CDH13: variants seen among roughly 807,000 people sequenced by gnomAD.
The protein encoded by CDH13 is cadherin-13.
In CDH13, 24 loss-of-function variants were observed where a neutral mutation model predicts 63.8. The observed-to-expected ratio is 0.38, with a 90% CI of 0.27 to 0.53. The LOEUF (loss-of-function observed/expected upper bound fraction) is 0.53, where lower values mean the gene tolerates loss of function less well. Ranked by LOEUF, CDH13 falls within the 20% of genes least tolerant of loss-of-function variation. The pLI is 0.85. For synonymous variants in CDH13, 503 were observed against 355.3 expected (o/e 1.42, Z -4.67); for missense variants, 1,049 against 903.1 (o/e 1.16, Z -2.07).
intron 6 of CDH13, among the ~76,000 whole-genome samples, chr16:83,413,424 C>T (rs1230994741): frequency 6.6e-6 from 1 of 152,172 alleles, no homozygotes; most frequent in Admixed American, 6.5e-5. Flanking sequence ...CATGATAAAA[C>T]CGAGCGACTT....
intron 4 of CDH13, among the ~76,000 whole-genome samples, chr16:83,183,800 T>C (rs2038423405): frequency 6.6e-6 from 1 of 152,122 alleles, no homozygotes; most frequent in Admixed American, 6.5e-5. Context: ...AAGGCAGTGT[T>C]TGGCAAAAGT....
intron 1 of CDH13, among the ~76,000 whole-genome samples, chr16:82,814,814 G>C (rs2037622032): frequency 6.6e-6 from 1 of 152,134 alleles, no homozygotes; most frequent in Non-Finnish European, 1.5e-5. Flanking sequence ...CTTGTGACTG[G>C]CATCTGAAGT....
At chr16:82,798,192 A>C (rs1296566707) in intron 1 of CDH13, among the ~76,000 whole-genome samples, 1 of 152,202 alleles carries the variant, frequency 6.6e-6, no homozygotes, top group Admixed American at 6.5e-5. Context: ...GTCTCATTTA[A>C]TCAGAAAAAT....
chr16:83,097,686 A>T (rs1033798765), intron 3 of CDH13, among the ~76,000 whole-genome samples: 1 of 152,220 alleles, frequency 6.6e-6, no homozygotes, highest in African/African-American at 2.4e-5. Context: ...ACTCTAGGTA[A>T]GACAGATGCT....
At chr16:83,214,579 C>CAAAAAAAAAAAAAA (rs751124100) in intron 4 of CDH13, among the ~76,000 whole-genome samples, 1 of 39,790 alleles carries the variant, frequency 2.5e-5, no homozygotes, top group African/African-American at 8.8e-5. Context: ...GACTCTGTCT[C>CAAAAAAAAAAAAAA]AAAAAAAAAA....
chr16:83,475,673 T>C (rs9928634), intron 6 of CDH13, among the ~76,000 whole-genome samples: 127,354 of 151,508 alleles, frequency 0.84, 53,949 homozygotes, highest in East Asian at 1. Flanking sequence ...CCTTCGCCTC[T>C]CGTGTTCAAG....
chr16:82,810,130 T>A (rs2037368175), intron 1 of CDH13, among the ~76,000 whole-genome samples: 1 of 152,214 alleles, frequency 6.6e-6, no homozygotes, highest in South Asian at 2.1e-4. Flanking sequence ...CTTTTCTGCT[T>A]CAAGGTAAGG....
intron 1 of CDH13, among the ~76,000 whole-genome samples, chr16:82,746,061 C>A (rs1313808401): frequency 6.6e-6 from 1 of 151,900 alleles, no homozygotes; most frequent in Non-Finnish European, 1.5e-5. Flanking sequence ...TAATTGCCAG[C>A]ATAAGAGGGA....
intron 6 of CDH13, among the ~76,000 whole-genome samples, chr16:83,459,086 T>C (rs2073103023): frequency 6.6e-6 from 1 of 152,252 alleles, no homozygotes; most frequent in African/African-American, 2.4e-5. Context: ...AACAGCACAA[T>C]ACCAACTTTT....
chr16:83,776,344 CAGTA>C (rs1915113322), intron 11 of CDH13, among the ~76,000 whole-genome samples: 1 of 152,082 alleles, frequency 6.6e-6, no homozygotes, highest in Non-Finnish European at 1.5e-5. Context: ...AATAATTTTT[CAGTA>C]AAGAAATTTA....
chr16:83,680,209 C>G (rs950569912), intron 10 of CDH13, among the ~76,000 whole-genome samples: 9 of 152,162 alleles, frequency 5.9e-5, no homozygotes, highest in Non-Finnish European at 1.0e-4. Context: ...TAAACCAGCT[C>G]CAGCTGTTTT....
At chr16:82,735,394 G>T (rs182809562) in intron 1 of CDH13, among the ~76,000 whole-genome samples, 1 of 152,334 alleles carries the variant, frequency 6.6e-6, no homozygotes, top group African/African-American at 2.4e-5. Context: ...TGCAGTGACT[G>T]TGCTATTCAT....
At chr16:83,492,877 C>G (rs572722067) in intron 7 of CDH13, among the ~76,000 whole-genome samples, 2 of 152,168 alleles carry the variant, frequency 1.3e-5, no homozygotes, top group Non-Finnish European at 2.9e-5. Context: ...AACCACTTCC[C>G]CCATCCCTCT....
chr16:82,684,452 C>T (rs899079384), intron 1 of CDH13, among the ~76,000 whole-genome samples: 7 of 152,086 alleles, frequency 4.6e-5, no homozygotes, highest in African/African-American at 1.2e-4. Flanking sequence ...GATTCTAGAG[C>T]TCATCAGGAA....
At chr16:82,924,916 C>G (rs2042258303) in intron 2 of CDH13, among the ~76,000 whole-genome samples, 2 of 151,978 alleles carry the variant, frequency 1.3e-5, no homozygotes, top group African/African-American at 4.8e-5. Flanking sequence ...TGGAGACACT[C>G]ATTGATACAT....
chr16:83,334,177 C>T (rs1302648541), intron 5 of CDH13, among the ~76,000 whole-genome samples: 1 of 152,070 alleles, frequency 6.6e-6, no homozygotes, highest in Non-Finnish European at 1.5e-5. Flanking sequence ...CTTCTTCCTC[C>T]CTCTTAACGA....
At chr16:83,511,129 T>G (rs1205254330) in intron 7 of CDH13, among the ~76,000 whole-genome samples, 1 of 150,692 alleles carries the variant, frequency 6.6e-6, no homozygotes, top group Non-Finnish European at 1.5e-5. Context: ...CATGCACATG[T>G]GCACACATGC....
At chr16:83,631,823 G>T (rs1343242637) in intron 8 of CDH13, among the ~76,000 whole-genome samples, 1 of 152,226 alleles carries the variant, frequency 6.6e-6, no homozygotes, top group Non-Finnish European at 1.5e-5. Context: ...GTAGGTTGTT[G>T]TGGGATAAGG....
chr16:82,947,824 G>A (rs1435051275), intron 2 of CDH13, among the ~76,000 whole-genome samples: 1 of 150,854 alleles, frequency 6.6e-6, no homozygotes, highest in Non-Finnish European at 1.5e-5. Flanking sequence ...ATGATAAACT[G>A]CTGAAAGTAG....
Sources: gnomAD v4.1 joint callset for allele counts (sites outside exome capture counted in the v4.1 genomes callset) on GRCh38, gnomAD v4.1.1 for gene constraint, MANE v1.5 for transcripts, NCBI Gene and HGNC (gene_info 2026-07-23, HGNC 2026-07-21) for gene names.